The following PUM1 variants were observed in gnomAD, a reference collection of about 807,000 sequenced individuals.
PUM1 encodes the protein pumilio RNA binding family member 1.
PUM1 carries 13 observed loss-of-function variants against 131.8 expected under a neutral mutation model. The ratio of observed to expected loss-of-function variants is 0.10; its 90% CI spans 0.06 to 0.16. PUM1 has a LOEUF of 0.16. Ranked by LOEUF, PUM1 falls within the 10% of genes least tolerant of loss-of-function variation. The probability of loss-of-function intolerance (pLI) is 1.00; values close to 1 mark genes in which losing one functional copy is unlikely to be tolerated. For synonymous variants in PUM1, 509 were observed against 556.5 expected, an observed-to-expected ratio of 0.91 and a Z score of 1.20; for missense variants, 961 against 1,512.4, an observed-to-expected ratio of 0.64 and a Z score of 6.05.
intron 10 of PUM1, among the ~76,000 whole-genome samples, chr1:30,969,133 G>A (rs11589915): frequency 0.029 from 4,468 of 151,884 alleles, 110 homozygotes; most frequent in Non-Finnish European, 0.046. Context: ...GCAAAACCCC[G>A]TCTCTACTAA....
intron 2 of PUM1, among the ~76,000 whole-genome samples, chr1:31,034,678 T>C (rs999719902): frequency 1.3e-5 from 2 of 152,220 alleles, no homozygotes; most frequent in African/African-American, 2.4e-5. Context: ...CTTAGTGTTC[T>C]TTCACTAAAT....
intron 9 of PUM1, among the ~76,000 whole-genome samples, chr1:30,977,755 T>C (rs979030431): frequency 9.2e-5 from 14 of 152,190 alleles, no homozygotes; most frequent in African/African-American, 3.4e-4. Flanking sequence ...AGCAGCAGTG[T>C]CAACCCTAAG....
chr1:31,023,958 T>C (rs977211918), intron 3 of PUM1, among the ~76,000 whole-genome samples: 12 of 149,218 alleles, frequency 8.0e-5, no homozygotes, highest in Non-Finnish European at 1.5e-4. Context: ...AATGAAAAGT[T>C]ACAAAATCTC....
At chr1:31,034,197 C>T (rs1189939292) in intron 2 of PUM1, among the ~76,000 whole-genome samples, 1 of 152,192 alleles carries the variant, frequency 6.6e-6, no homozygotes, top group Non-Finnish European at 1.5e-5. Context: ...TACTGGCATT[C>T]TTGTCCTGAA....
intron 3 of PUM1, among the ~76,000 whole-genome samples, chr1:31,008,769 C>G (rs545317755): frequency 1.3e-5 from 2 of 152,010 alleles, no homozygotes; most frequent in Non-Finnish European, 2.9e-5. Context: ...GGCAAAACAG[C>G]GGTCAAACCA....
intron 9 of PUM1, among the ~76,000 whole-genome samples, chr1:30,979,303 G>GC (rs1641264519): frequency 6.6e-6 from 1 of 152,194 alleles, no homozygotes; most frequent in Non-Finnish European, 1.5e-5. Context: ...TGCAGTATCT[G>GC]CAGCAAACTA....
chr1:30,954,052 C>G, intron 14 of PUM1, 71 bp from the exon 15 acceptor site: 1 of 1,466,392 alleles, frequency 6.8e-7, no homozygotes, highest in Non-Finnish European at 9.3e-7. Context: ...AAAAAGCATT[C>G]CCACACCCGA....
intron 5 of PUM1, among the ~76,000 whole-genome samples, chr1:31,003,736 G>A (rs1359246619): frequency 7.2e-5 from 11 of 152,188 alleles, no homozygotes; most frequent in East Asian, 5.8e-4. Flanking sequence ...CAGTCTGGGC[G>A]ACAAGAGTGA....
At chr1:31,057,620 G>T (rs2123997588) in intron 2 of PUM1, among the ~76,000 whole-genome samples, 1 of 149,326 alleles carries the variant, frequency 6.7e-6, no homozygotes, top group South Asian at 2.1e-4. Context: ...AGCTACTCGG[G>T]AAGGTAAGGC....
chr1:30,968,089 A>G, intron 11 of PUM1: 2 of 600,366 alleles, frequency 3.3e-6, no homozygotes, highest in Admixed American at 1.9e-5. Flanking sequence ...TGAAACAGAA[A>G]ACAGATAATC....
Position 30,960,257 on chromosome 1 carries a change from A to G in PUM1, c.2323+4417T>C, listed in dbSNP as rs138178497. 4.5e-3 allele frequency among the ~76,000 whole-genome samples: 681 copies of G among 152,312 alleles called. 1 individual carries two copies. The highest frequency in any genetic ancestry group is 6.8e-3 in the Non-Finnish European group (462 of 68,018). On this transcript the variant is annotated intron_variant, in intron 14 of 21. Coordinates refer to ENST00000426105, the MANE Select transcript of PUM1 (RefSeq NM_001020658.2). ...TACCAGCTGAGCATCCTAATATGAA[A>G]ATCAAAAATTCTAAATGCTCCAATG...
intron 2 of PUM1, among the ~76,000 whole-genome samples, 184 bp downstream of exon 2, chr1:31,059,020 T>G (rs1013824211): frequency 3.3e-5 from 5 of 152,156 alleles, no homozygotes; most frequent in African/African-American, 4.8e-5. Flanking sequence ...ATTTACTATT[T>G]AGCACCAGAA....
intron 2 of PUM1, among the ~76,000 whole-genome samples, chr1:31,057,464 C>T (rs914333323): frequency 1.3e-5 from 2 of 148,242 alleles, no homozygotes; most frequent in African/African-American, 5.0e-5. Flanking sequence ...GTGGCTCACA[C>T]CCGTAATCCC....
At chr1:31,012,552 TAAAAAAA>T (rs10666570) in intron 3 of PUM1, among the ~76,000 whole-genome samples, 1 of 119,186 alleles carries the variant, frequency 8.4e-6, no homozygotes, top group African/African-American at 3.1e-5. Flanking sequence ...TTATGAAAAG[TAAAAAAA>T]AAAAAAAAAA....
chr1:30,947,324 G>A (rs779991237), intron 17 of PUM1, among the ~76,000 whole-genome samples: 4 of 152,210 alleles, frequency 2.6e-5, no homozygotes, highest in Non-Finnish European at 5.9e-5. Context: ...GATAGAAAGT[G>A]ACAGAATTAG....
chr1:31,028,635 T>G (rs1159992509), intron 3 of PUM1, 161 bp downstream of exon 3: 1 of 680,172 alleles, frequency 1.5e-6, no homozygotes, highest in African/African-American at 1.8e-5. Context: ...AATGACATAG[T>G]TTTGGCAAAA....
At chr1:30,968,228 C>T (rs372534831) in intron 11 of PUM1, 126 bp downstream of exon 11, 27 of 1,327,242 alleles carry the variant, frequency 2.0e-5, no homozygotes, top group Non-Finnish European at 2.4e-5. Context: ...GTGTATCATC[C>T]TTGCCAGTCC....
At chr1:30,975,517 ATTT>A (rs751510345) in intron 9 of PUM1, among the ~76,000 whole-genome samples, 2 of 84,160 alleles carry the variant, frequency 2.4e-5, no homozygotes, top group Non-Finnish European at 4.6e-5. Context: ...TACCTGACTA[ATTT>A]TTTTTTTTTT....
At chr1:31,008,003 T>C (rs1642456538) in intron 3 of PUM1, among the ~76,000 whole-genome samples, 1 of 152,200 alleles carries the variant, frequency 6.6e-6, no homozygotes. Context: ...CTAATTATGT[T>C]TTCAACTGCT....
Sources: gnomAD v4.1 joint callset for allele counts (sites outside exome capture counted in the v4.1 genomes callset) on GRCh38, gnomAD v4.1.1 for gene constraint, MANE v1.5 for transcripts, NCBI Gene and HGNC (gene_info 2026-07-23, HGNC 2026-07-21) for gene names.